MID1: variants seen among roughly 807,000 people sequenced by gnomAD.
MID1 encodes E3 ubiquitin-protein ligase Midline-1.
MID1 carries 7 observed loss-of-function variants against 40.4 expected under a neutral mutation model. The ratio of observed to expected loss-of-function variants is 0.17; its 90% confidence interval spans 0.10 to 0.33. MID1 has a LOEUF of 0.33. Among genes scored for constraint, MID1 ranks in the 10% least tolerant of loss-of-function variants. The pLI, the probability that MID1 is intolerant of heterozygous loss-of-function variation, is 1.00. For missense variants in MID1, 367 were observed against 558.5 expected, an observed-to-expected ratio of 0.66 and a Z score of 3.46; for synonymous variants, 229 against 221.2, an observed-to-expected ratio of 1.04 and a Z score of -0.31.
At chrX:10,567,634 C>T in intron 1 of MID1, 31 bp from the exon 2 acceptor site, 7 of 1,071,907 alleles carry the variant, frequency 6.5e-6, no homozygotes, top group Non-Finnish European at 7.8e-6. Flanking sequence ...TTTGATTAGG[C>T]ACAGGGAGGT....
chrX:10,452,080 ATTTTTAT>A (rs1355997533), intron 9 of MID1, among the ~76,000 whole-genome samples: 4 of 111,304 alleles, frequency 3.6e-5, no homozygotes, highest in Non-Finnish European at 7.5e-5. Context: ...GTGGCACAGC[ATTTTTAT>A]TTTTTATTAC....
chrX:10,824,353 C>T (rs1216648439), intron 1 of MID1, among the ~76,000 whole-genome samples: 1 of 112,230 alleles, frequency 8.9e-6, no homozygotes. Flanking sequence ...GACCTTCACT[C>T]TGGATCATTC....
intron 1 of MID1, among the ~76,000 whole-genome samples, chrX:10,573,721 T>C (rs1397637006): frequency 8.9e-6 from 1 of 112,299 alleles, no homozygotes; most frequent in Non-Finnish European, 1.9e-5. Flanking sequence ...ATGGTTCCTT[T>C]GACAGGGCCA....
At chrX:10,607,996 C>T (rs1935657311) in intron 1 of MID1, among the ~76,000 whole-genome samples, 1 of 112,619 alleles carries the variant, frequency 8.9e-6, no homozygotes, top group African/African-American at 3.2e-5. Context: ...GTATTGAACA[C>T]ACCCAAACTG....
At chrX:10,543,212 G>T (rs967742819) in intron 2 of MID1, among the ~76,000 whole-genome samples, 1 of 112,064 alleles carries the variant, frequency 8.9e-6, no homozygotes, top group Non-Finnish European at 1.9e-5. Context: ...AGTTACTCTT[G>T]GGTTTATCTG....
At chrX:10,646,277 T>C (rs768938408) in intron 1 of MID1, among the ~76,000 whole-genome samples, 2 of 111,380 alleles carry the variant, frequency 1.8e-5, no homozygotes, top group South Asian at 7.5e-4. Context: ...CCAGTGGTCC[T>C]TGTAATAAGA....
At chrX:10,831,770 C>T (rs2044254620) in intron 1 of MID1, among the ~76,000 whole-genome samples, 1 of 111,728 alleles carries the variant, frequency 9.0e-6, no homozygotes, top group South Asian at 3.8e-4. Flanking sequence ...AAACCCTATG[C>T]ATACACCGCC....
chrX:10,608,425 A>T (rs1935664837), intron 1 of MID1, among the ~76,000 whole-genome samples: 1 of 112,289 alleles, frequency 8.9e-6, no homozygotes, highest in Non-Finnish European at 1.9e-5. Flanking sequence ...AACGACTGAT[A>T]CATGCAACAA....
chrX:10,830,681 C>A (rs781236958), intron 1 of MID1, among the ~76,000 whole-genome samples: 1 of 112,149 alleles, frequency 8.9e-6, no homozygotes, highest in East Asian at 2.8e-4. Context: ...GGGAGAATCC[C>A]AGCCAAACAA....
At chrX:10,628,330 C>T (rs746006185) in intron 1 of MID1, among the ~76,000 whole-genome samples, 3 of 111,061 alleles carry the variant, frequency 2.7e-5, no homozygotes, top group Non-Finnish European at 5.7e-5. Context: ...ATCTAAATAT[C>T]TGAGAAACTA....
At chrX:10,743,152 A>G (rs2043535689) in intron 1 of MID1, among the ~76,000 whole-genome samples, 1 of 112,698 alleles carries the variant, frequency 8.9e-6, no homozygotes, top group Non-Finnish European at 1.9e-5. Context: ...GCTTAGAAGG[A>G]ACATGATGCG....
chrX:10,504,497 T>C (rs949758552), intron 3 of MID1, among the ~76,000 whole-genome samples: 2 of 111,938 alleles, frequency 1.8e-5, no homozygotes, highest in East Asian at 2.8e-4. Flanking sequence ...GGAATGTCCA[T>C]AGATAATTAA....
intron 1 of MID1, among the ~76,000 whole-genome samples, chrX:10,789,477 T>A (rs2043913733): frequency 8.9e-6 from 1 of 111,912 alleles, no homozygotes. Context: ...TCGTACTGTA[T>A]CTGTTCTATG....
At chrX:10,607,839 G>A (rs1464549106) in intron 1 of MID1, among the ~76,000 whole-genome samples, 3 of 111,834 alleles carry the variant, frequency 2.7e-5, no homozygotes, top group African/African-American at 9.8e-5. Flanking sequence ...TCTAATGTTC[G>A]GATATATTTT....
At chrX:10,590,981 T>C (rs1232403594) in intron 1 of MID1, among the ~76,000 whole-genome samples, 1 of 111,725 alleles carries the variant, frequency 9.0e-6, no homozygotes, top group East Asian at 2.8e-4. Context: ...TAAGTGTGAG[T>C]TTCATCCTGT....
upstream of MID1, among the ~76,000 whole-genome samples, chrX:10,622,201 A>G (rs1935942554): frequency 9.1e-6 from 1 of 110,287 alleles, no homozygotes; most frequent in African/African-American, 3.3e-5. Context: ...ACTTTGAGAA[A>G]TATTGCGTCT....
chrX:10,532,399 A>T (rs1288021688), intron 2 of MID1, among the ~76,000 whole-genome samples: 2 of 111,708 alleles, frequency 1.8e-5, no homozygotes, highest in Non-Finnish European at 3.8e-5. Context: ...TGTAGACTAC[A>T]GCTGGTACAC....
chrX:10,522,279 C>T (rs1173381893), intron 3 of MID1, among the ~76,000 whole-genome samples: 1 of 111,763 alleles, frequency 8.9e-6, no homozygotes, highest in South Asian at 3.8e-4. Flanking sequence ...GGGTTTAGAG[C>T]GCTGTAGCTG....
chrX:10,765,864 TG>T (rs1056135261), intron 1 of MID1, among the ~76,000 whole-genome samples: 2 of 98,896 alleles, frequency 2.0e-5, no homozygotes, highest in African/African-American at 7.5e-5. Flanking sequence ...ATATCATGGA[TG>T]CTAAAAGACA....
Sources: gnomAD v4.1 joint callset for allele counts (sites outside exome capture counted in the v4.1 genomes callset) on GRCh38, gnomAD v4.1.1 for gene constraint, MANE v1.5 for transcripts, NCBI Gene and HGNC (gene_info 2026-07-23, HGNC 2026-07-21) for gene names.